The following SEPTIN14 variants were observed in gnomAD, a reference collection of about 807,000 sequenced individuals.
SEPTIN14 encodes septin-14.
In SEPTIN14, 40 loss-of-function variants were observed where a neutral mutation model predicts 53.6. That is an observed-to-expected ratio of 0.75 (90% CI 0.58 to 0.97). The LOEUF is 0.97. Ranked by LOEUF, SEPTIN14 falls within the 50% of genes least tolerant of loss-of-function variation. SEPTIN14 has a pLI of 0.00. For missense variants in SEPTIN14, 471 were observed against 508.2 expected (o/e 0.93, Z 0.70); for synonymous variants, 138 against 166.8 (o/e 0.83, Z 1.33).
At chr7:55,808,714 G>A (rs1412149397) in intron 7 of SEPTIN14, among the ~76,000 whole-genome samples, 2 of 152,042 alleles carry the variant, frequency 1.3e-5, no homozygotes, top group African/African-American at 4.8e-5. Flanking sequence ...ACCAGGCCCA[G>A]CTAATTTTTG....
intron 2 of SEPTIN14, among the ~76,000 whole-genome samples, chr7:55,858,681 A>G (rs1789691171): frequency 1.3e-5 from 2 of 152,182 alleles, no homozygotes; most frequent in Admixed American, 6.5e-5. Flanking sequence ...GCGCATGCCT[A>G]TAATCCCAGC....
At chr7:55,847,048 G>A (rs1789428306) in intron 2 of SEPTIN14, among the ~76,000 whole-genome samples, 1 of 151,974 alleles carries the variant, frequency 6.6e-6, no homozygotes, top group African/African-American at 2.4e-5. Context: ...AGCCGGGCAT[G>A]CTTGTACTAA....
chr7:55,809,309 CT>C (rs780613537), intron 7 of SEPTIN14, among the ~76,000 whole-genome samples: 23,627 of 88,556 alleles, frequency 0.27, 2,252 homozygotes, highest in Non-Finnish European at 0.28. Flanking sequence ...ACTATGCTTA[CT>C]TTTTTTTTTT....
Position 55,836,163 on chromosome 7 carries a change from T to C in SEPTIN14, c.559-1577A>G, listed in dbSNP as rs1011232023. Reference sequence around the variant, plus strand: ...TTTGTAAAAAGACATAATTTCCACATTGAAAGTTAAATATTTGCATATTTG... The same window carrying C: ...TTTGTAAAAAGACATAATTTCCACACTGAAAGTTAAATATTTGCATATTTG... On this transcript the variant is annotated intron_variant, in intron 5 of 9. Coordinates refer to ENST00000388975, the MANE Select transcript of SEPTIN14 (RefSeq NM_207366.3). 3.3e-5 allele frequency among the ~76,000 whole-genome samples: 5 copies of C among 152,174 alleles called. No homozygotes were observed. The East Asian group carries it at 5.8e-4, about 18-fold the overall frequency.
intron 3 of SEPTIN14, among the ~76,000 whole-genome samples, chr7:55,844,933 T>C (rs904063824): frequency 2.0e-5 from 3 of 151,616 alleles, no homozygotes; most frequent in Non-Finnish European, 4.4e-5. Context: ...TTTACTTTTA[T>C]TTTAGGTTGG....
chr7:55,849,530 G>A (rs1789483302), intron 2 of SEPTIN14, among the ~76,000 whole-genome samples: 1 of 151,898 alleles, frequency 6.6e-6, no homozygotes. Flanking sequence ...GAGATCACCT[G>A]AGGTCAGGAG....
At chr7:55,841,853 CAAAAAAAAA>C (rs58433679) in intron 5 of SEPTIN14, among the ~76,000 whole-genome samples, 1 of 73,528 alleles carries the variant, frequency 1.4e-5, no homozygotes, top group African/African-American at 5.5e-5. Flanking sequence ...GAAACTCCGC[CAAAAAAAAA>C]AAAAAAAAAA....
rs1788390974 is a variant in SEPTIN14, at chr7:55,794,391, G to A, written c.*1522C>T. On this transcript the variant is annotated 3_prime_UTR_variant, in exon 10 of 10. Transcript: ENST00000388975. ...AAGTTACATTAATTATCTTTTGAAA[G>A]TCAATAATCTACATTTTTAATGTAT... is the stretch of plus-strand genomic sequence containing the variant. The A allele has an allele frequency of 6.6e-6, 1 of 152,160 alleles. No individual in the cohort carries two copies. Among genetic ancestry groups the A allele is most frequent in the African/African-American group, 2.4e-5 (1 of 41,450 alleles). The allele number at this position is 152,160 out of a possible 1,614,324, so 9.4% of individuals were successfully genotyped here.
intron 9 of SEPTIN14, among the ~76,000 whole-genome samples, chr7:55,804,704 C>T (rs1788586228): frequency 1.3e-5 from 2 of 152,104 alleles, no homozygotes; most frequent in African/African-American, 4.8e-5. Flanking sequence ...CTAAAGCCAC[C>T]TACACTTGAG....
At chr7:55,798,180 C>T (rs572732743) in intron 9 of SEPTIN14, 4 of 224,480 alleles carry the variant, frequency 1.8e-5, no homozygotes, top group African/African-American at 4.6e-5. Flanking sequence ...CCTGCAGCCA[C>T]GCAAAGCCCA....
intron 5 of SEPTIN14, among the ~76,000 whole-genome samples, chr7:55,840,889 TTATTATTTA>T: frequency 1.1e-5 from 1 of 93,238 alleles, no homozygotes; most frequent in East Asian, 2.8e-4. Context: ...TTTGTTGTTG[TTATTATTTA>T]TTTATTATTT....
In SEPTIN14 at chr7:55,835,741, A is replaced by G. The variant is rs139197542; in HGVS notation, c.559-1155T>C. ...AAAAAGAATATAGATGTTTTTGATT[A>G]CCATATTCTTTCTTTTTTTGAGGCG... On this transcript the variant is annotated intron_variant, in intron 5 of 9. Transcript: ENST00000388975. 3.0e-3 allele frequency among the ~76,000 whole-genome samples: 449 copies of G among 152,002 alleles called. 1 individual carries two copies. Among genetic ancestry groups the G allele is most frequent in the Non-Finnish European group, 4.6e-3 (315 of 67,930 alleles).
intron 5 of SEPTIN14, among the ~76,000 whole-genome samples, chr7:55,838,072 TG>T (rs1789241362): frequency 6.6e-6 from 1 of 152,186 alleles, no homozygotes; most frequent in African/African-American, 2.4e-5. Context: ...ACTGATTTTC[TG>T]TACAATAAAA....
rs1172364003 is a variant in SEPTIN14 at position 55,794,578 on chromosome 7, T to C, written c.*1335A>G. The stretch of plus-strand genomic sequence containing the variant: ...TCCATTAAAAGATCATTTAGTAAAA[T>C]TTTTCTTCCCCCAAATTATAAAATC... On this transcript the variant is annotated 3_prime_UTR_variant, in exon 10 of 10. Transcript: ENST00000388975. 2 of 152,122 alleles carry C rather than the reference T, an allele frequency of 1.3e-5. No individual in the cohort carries two copies. The highest frequency in any genetic ancestry group is 2.9e-5 in the Non-Finnish European group (2 of 68,024). The allele number at this position is 152,122 out of a possible 1,614,324, so 9.4% of individuals were successfully genotyped here. A position where few individuals can be genotyped will look rare whatever the true frequency, so the allele number is the denominator to read the frequency against.
chr7:55,803,550 C>A (rs1264142942), intron 9 of SEPTIN14, among the ~76,000 whole-genome samples: 4 of 152,078 alleles, frequency 2.6e-5, no homozygotes, highest in Non-Finnish European at 5.9e-5. Flanking sequence ...GGTTCAGCAA[C>A]CCCACTAATA....
chr7:55,815,576 C>A (rs903050372), intron 7 of SEPTIN14, among the ~76,000 whole-genome samples: 2 of 149,682 alleles, frequency 1.3e-5, no homozygotes, highest in African/African-American at 5.1e-5. Flanking sequence ...TTTTTAAATG[C>A]CAAACAAGCA....
At chr7:55,830,417 G>A (rs891717345) in intron 6 of SEPTIN14, among the ~76,000 whole-genome samples, 9 of 134,616 alleles carry the variant, frequency 6.7e-5, no homozygotes, top group South Asian at 2.4e-4. Context: ...CGCGATCTCC[G>A]CTCACTGCAA....
At chr7:55,856,242 C>G (rs1356226830) in intron 2 of SEPTIN14, among the ~76,000 whole-genome samples, 1 of 151,960 alleles carries the variant, frequency 6.6e-6, no homozygotes, top group Non-Finnish European at 1.5e-5. Flanking sequence ...CAATGTTTAC[C>G]CCCACTTATA....
At chr7:55,815,468 G>T (rs113507309) in intron 7 of SEPTIN14, among the ~76,000 whole-genome samples, 8 of 152,036 alleles carry the variant, frequency 5.3e-5, no homozygotes, top group African/African-American at 1.9e-4. Context: ...CAAAAGATCC[G>T]AATAGACATT....
Sources: allele counts gnomAD v4.1 joint callset (sites outside exome capture counted in the v4.1 genomes callset), GRCh38; gene constraint gnomAD v4.1.1; transcripts MANE v1.5; gene names NCBI Gene and HGNC (gene_info 2026-07-23, HGNC 2026-07-21).